The following FRAS1 variants were observed in gnomAD, a reference collection of about 807,000 sequenced individuals.
The protein encoded by FRAS1 is Fraser extracellular matrix complex subunit 1.
FRAS1 carries 290 observed loss-of-function variants against 435.2 expected under a neutral mutation model. The observed-to-expected ratio is 0.67, with a 90% confidence interval of 0.61 to 0.73. The LOEUF (loss-of-function observed/expected upper bound fraction) is 0.73, where lower values mean the gene tolerates loss of function less well. FRAS1 is among the 30% of genes least tolerant of loss of function. The pLI, the probability that FRAS1 is intolerant of heterozygous loss-of-function variation, is 0.00. For missense variants in FRAS1, 4,860 were observed against 5,001.5 expected, an observed-to-expected ratio of 0.97 and a Z score of 0.85; for synonymous variants, 1,800 against 1,851.0, an observed-to-expected ratio of 0.97 and a Z score of 0.71.
intron 2 of FRAS1, among the ~76,000 whole-genome samples, chr4:78,204,388 C>T (rs761662394): frequency 2.0e-5 from 3 of 152,202 alleles, no homozygotes; most frequent in Admixed American, 2.0e-4. Flanking sequence ...GAAAGACTTT[C>T]ATTTTGCCTG....
At chr4:78,443,314 T>C (rs1394525038) in intron 41 of FRAS1, among the ~76,000 whole-genome samples, 4 of 152,186 alleles carry the variant, frequency 2.6e-5, no homozygotes, top group African/African-American at 4.8e-5. Flanking sequence ...GCTGTGATTA[T>C]GCCACTGCAC....
chr4:78,119,193 A>T (rs1718867004), intron 2 of FRAS1, among the ~76,000 whole-genome samples: 1 of 152,194 alleles, frequency 6.6e-6, no homozygotes, highest in African/African-American at 2.4e-5. Context: ...GGTTGGGAAC[A>T]TTGAATATCC....
At chr4:78,372,402 C>A (rs1731551889) in intron 23 of FRAS1, among the ~76,000 whole-genome samples, 1 of 152,146 alleles carries the variant, frequency 6.6e-6, no homozygotes, top group Non-Finnish European at 1.5e-5. Context: ...TGCATGAAGA[C>A]TTGATATGGC....
intron 2 of FRAS1, among the ~76,000 whole-genome samples, chr4:78,172,732 T>C (rs1471059608): frequency 6.6e-6 from 1 of 152,044 alleles, no homozygotes; most frequent in Non-Finnish European, 1.5e-5. Flanking sequence ...ATACTAAGCT[T>C]ATCTAATTTT....
chr4:78,495,895 GA>G (rs546512456), intron 59 of FRAS1, among the ~76,000 whole-genome samples: 113 of 151,614 alleles, frequency 7.5e-4, no homozygotes, highest in Non-Finnish European at 1.4e-3. Flanking sequence ...TGTGGTAGAG[GA>G]AAAAAAACAC....
At chr4:78,154,138 G>A (rs568289141) in intron 2 of FRAS1, among the ~76,000 whole-genome samples, 48 of 152,098 alleles carry the variant, frequency 3.2e-4, no homozygotes, top group African/African-American at 1.1e-3. Flanking sequence ...ATGAGGCTAA[G>A]AGACTGCATG....
At chr4:78,481,351 G>A (rs572599620) in intron 56 of FRAS1, among the ~76,000 whole-genome samples, 52 of 152,290 alleles carry the variant, frequency 3.4e-4, no homozygotes, top group African/African-American at 1.2e-3. Flanking sequence ...GAAACATTCA[G>A]CTTCAGGCTC....
chr4:78,140,638 T>A (rs1720121324), intron 2 of FRAS1, among the ~76,000 whole-genome samples: 1 of 151,152 alleles, frequency 6.6e-6, no homozygotes, highest in Non-Finnish European at 1.5e-5. Context: ...CGCATATACA[T>A]ATGTGTATAT....
chr4:78,409,000 GGGAGGATCACTTGAGCCTGGGAGGT>G (rs201015620), intron 31 of FRAS1, among the ~76,000 whole-genome samples: 44,938 of 147,812 alleles, frequency 0.3, 7,493 homozygotes, highest in Non-Finnish European at 0.37. Context: ...GCAGCTAGGC[GGGAGGATCACTTGAGCCTGGGAGGT>G]GGAGGATCAC....
At chr4:78,484,135 T>C (rs773035460) in intron 58 of FRAS1, among the ~76,000 whole-genome samples, 2 of 152,074 alleles carry the variant, frequency 1.3e-5, no homozygotes, top group African/African-American at 2.4e-5. Flanking sequence ...TTCATAAAAA[T>C]GGAATCATAT....
At chr4:78,232,487 G>A (rs1257003313) in intron 2 of FRAS1, among the ~76,000 whole-genome samples, 4 of 152,070 alleles carry the variant, frequency 2.6e-5, no homozygotes, top group South Asian at 4.2e-4. Context: ...GGGTTTCACC[G>A]TGTTAGCCAG....
Position 78,475,421 on chromosome 4 carries a change from T to C in FRAS1, c.7683-17T>C, listed in dbSNP as rs901403557. ...CATGGGGCATAGTTTAAGAGATGCC[T>C]TTTTGTGTGCTTCCAGCTACAATGT... On this transcript the variant is annotated splice_polypyrimidine_tract_variant and intron_variant, in intron 53 of 73. Coordinates refer to ENST00000512123, the MANE Select transcript of FRAS1 (RefSeq NM_025074.7). The C allele has an allele frequency of 6.2e-6, 10 of 1,613,540 alleles. No individual in the cohort carries two copies. Among genetic ancestry groups the C allele is most frequent in the Middle Eastern group, 1.6e-4 (1 of 6,082 alleles).
At chr4:78,202,885 T>C (rs1723101364) in intron 2 of FRAS1, among the ~76,000 whole-genome samples, 1 of 152,208 alleles carries the variant, frequency 6.6e-6, no homozygotes, top group East Asian at 1.9e-4. Flanking sequence ...ATTTGGATAC[T>C]TCTGCTTTGC....
chr4:78,095,596 T>G (rs367889435), intron 2 of FRAS1, among the ~76,000 whole-genome samples: 23 of 152,284 alleles, frequency 1.5e-4, no homozygotes, highest in African/African-American at 4.6e-4. Context: ...CAAGTGGCTG[T>G]GGAGGAGTCC....
At chr4:78,414,896 A>G (rs1172628138) in intron 32 of FRAS1, among the ~76,000 whole-genome samples, 2 of 152,236 alleles carry the variant, frequency 1.3e-5, no homozygotes, top group Non-Finnish European at 2.9e-5. Flanking sequence ...AATAAATGCC[A>G]TGGCAGAGCA....
chr4:78,149,824 G>T (rs188974308), intron 2 of FRAS1, among the ~76,000 whole-genome samples: 1 of 152,256 alleles, frequency 6.6e-6, no homozygotes, highest in East Asian at 1.9e-4. Flanking sequence ...GGGAAAGCAG[G>T]CTGGTGAGAG....
At chr4:78,269,224 A>T (rs1216389884) in intron 9 of FRAS1, among the ~76,000 whole-genome samples, 2 of 152,240 alleles carry the variant, frequency 1.3e-5, no homozygotes, top group African/African-American at 4.8e-5. Flanking sequence ...TATGACCTTA[A>T]GAGTTTCCAG....
At chr4:78,186,435 T>C (rs1213889916) in intron 2 of FRAS1, among the ~76,000 whole-genome samples, 2 of 152,216 alleles carry the variant, frequency 1.3e-5, no homozygotes, top group Admixed American at 1.3e-4. Flanking sequence ...TTGTGAACTA[T>C]GTGGAAGTGT....
intron 3 of FRAS1, among the ~76,000 whole-genome samples, chr4:78,238,661 T>A (rs1180051287): frequency 1.3e-5 from 2 of 152,142 alleles, no homozygotes; most frequent in African/African-American, 4.8e-5. Context: ...GCTTTATGTT[T>A]ATAGGGTAAA....
Sources: gnomAD v4.1 joint callset for allele counts (sites outside exome capture counted in the v4.1 genomes callset) on GRCh38, gnomAD v4.1.1 for gene constraint, MANE v1.5 for transcripts, NCBI Gene and HGNC (gene_info 2026-07-23, HGNC 2026-07-21) for gene names.